The following MTARC1 variants were observed in gnomAD, a reference collection of about 807,000 sequenced individuals.
MTARC1 encodes the protein mitochondrial amidoxime-reducing component 1.
MTARC1 carries 24 observed loss-of-function variants against 33.6 expected under a neutral mutation model. That is an observed-to-expected ratio of 0.72 (90% CI 0.52 to 1.01). The LOEUF (loss-of-function observed/expected upper bound fraction) is 1.01. MTARC1 is among the 50% of genes least tolerant of loss of function. MTARC1 has a pLI of 0.00. For synonymous variants in MTARC1, 187 were observed against 189.5 expected (o/e 0.99, Z 0.11); for missense variants, 417 against 445.7 (o/e 0.94, Z 0.58).
At chr1:220,787,399 A>G (rs1368919480) in intron 1 of MTARC1, among the ~76,000 whole-genome samples, 180 bp downstream of exon 1, 1 of 152,184 alleles carries the variant, frequency 6.6e-6, no homozygotes, top group Non-Finnish European at 1.5e-5. Flanking sequence ...CCCCAGCATC[A>G]GACCCCAGGG....
chr1:220,802,515 A>G (rs570249308), intron 4 of MTARC1, among the ~76,000 whole-genome samples: 19 of 152,246 alleles, frequency 1.2e-4, no homozygotes, highest in Non-Finnish European at 2.8e-4. Context: ...TATTTTTAGT[A>G]TAGACAGGGT....
chr1:220,788,302 G>A (rs551803779), intron 1 of MTARC1, among the ~76,000 whole-genome samples: 6 of 152,260 alleles, frequency 3.9e-5, no homozygotes, highest in African/African-American at 1.4e-4. Context: ...GGCCAGCCTC[G>A]GGTCTTATTG....
chr1:220,810,143 G>A lies in MTARC1; in HGVS notation c.888-3149G>A, dbSNP rs144005846. 2.6e-5 allele frequency among the ~76,000 whole-genome samples: 4 copies of A among 152,280 alleles called. No individual in the cohort carries two copies. The East Asian group carries it at 7.7e-4, about 29-fold the overall frequency. ...TTCATTTAAGGAGAAAGTGCACTAA[G>A]GAAGATTTTAAATGAGTTTTAATTT... On this transcript the variant is annotated intron_variant, in intron 6 of 6. Coordinates refer to ENST00000366910, the MANE Select transcript of MTARC1 (RefSeq NM_022746.4).
rs1255106650 is a variant in MTARC1 at position 220,797,975 on chromosome 1, G to A, written c.714G>A (p.Arg238=). The part of the protein sequence containing the change: ...LEKKVKATNF[R]PNIVISGCDV... The stretch of plus-strand genomic sequence containing the variant: ...AGAAAGTTAAAGCAACCAACTTCAG[G>A]CCCAATATTGTAATTTCAGGATGCG... Residue 238 remains arginine (R), a synonymous_variant, in exon 4 of 7, where the codon AGG becomes AGA. Transcript: ENST00000366910. 1.2e-6 allele frequency: 2 copies of A among 1,614,176 alleles called. No homozygotes were observed. The highest frequency in any genetic ancestry group is 1.7e-5 in the Admixed American group (1 of 60,024).
intron 4 of MTARC1, among the ~76,000 whole-genome samples, chr1:220,801,787 G>C (rs1672815050): frequency 6.6e-6 from 1 of 152,168 alleles, no homozygotes; most frequent in Non-Finnish European, 1.5e-5. Context: ...GCAGCTGGGA[G>C]AGCAGGCTAG....
chr1:220,809,169 C>G (rs1170058191), intron 6 of MTARC1, among the ~76,000 whole-genome samples: 1 of 152,186 alleles, frequency 6.6e-6, no homozygotes, highest in East Asian at 1.9e-4. Context: ...ATTGGCAAGT[C>G]GCTTAGGCTC....
intron 4 of MTARC1, among the ~76,000 whole-genome samples, chr1:220,800,104 A>C (rs1205999109): frequency 6.6e-6 from 1 of 152,134 alleles, no homozygotes; most frequent in Admixed American, 6.5e-5. Context: ...TGTGACAGTA[A>C]GATTCGGATG....
intron 4 of MTARC1, among the ~76,000 whole-genome samples, chr1:220,800,911 T>G (rs1014233228): frequency 6.6e-6 from 1 of 151,634 alleles, no homozygotes; most frequent in Admixed American, 6.6e-5. Flanking sequence ...CCCACTCCCC[T>G]CTCTGCCCGG....
intron 4 of MTARC1, among the ~76,000 whole-genome samples, chr1:220,803,771 T>G (rs986135095): frequency 6.6e-6 from 1 of 152,182 alleles, no homozygotes; most frequent in African/African-American, 2.4e-5. Flanking sequence ...GTGGAACCCT[T>G]ATTTCTCTCC....
intron 2 of MTARC1, 114 bp from the exon 3 acceptor site, chr1:220,796,529 A>G (rs988346104): frequency 5.6e-6 from 7 of 1,247,864 alleles, no homozygotes; most frequent in Non-Finnish European, 7.5e-6. Flanking sequence ...TCTGATAATT[A>G]AGAAATGACA....
Position 220,818,079 on chromosome 1 carries a change from T to C in MTARC1, c.*4661T>C, listed in dbSNP as rs1175912388. 1 of 152,216 alleles carries C rather than the reference T, an allele frequency of 6.6e-6. No individual in the cohort carries two copies. The highest frequency in any genetic ancestry group is 1.5e-5 in the Non-Finnish European group (1 of 68,044). 9.4% of individuals were successfully genotyped at this position (152,216 alleles called of 1,614,324 possible). A position where few individuals can be genotyped will look rare whatever the true frequency, so the allele number is the denominator to read the frequency against. ...AATGGATGAATGAGTTATGATGATA[T>C]CTAAAGTTACCCAATTTCAAGCAAG... On this transcript the variant is annotated 3_prime_UTR_variant, in exon 7 of 7. Transcript: ENST00000366910.
chr1:220,810,169 A>G (rs1181466237), intron 6 of MTARC1, among the ~76,000 whole-genome samples: 2 of 152,254 alleles, frequency 1.3e-5, no homozygotes, highest in Non-Finnish European at 1.5e-5. Flanking sequence ...GTTTTAATTT[A>G]TTAATACCAA....
At chr1:220,807,076 G>A (rs1441504765) in intron 6 of MTARC1, among the ~76,000 whole-genome samples, 6 of 152,006 alleles carry the variant, frequency 3.9e-5, no homozygotes, top group South Asian at 2.1e-4. Flanking sequence ...CAACTTTTCT[G>A]TAAAAAGCTA....
Position 220,791,486 on chromosome 1 carries a change from G to A in MTARC1, c.276-5G>A, listed in dbSNP as rs377285449. ...CACACATATCCTGTGTTTTGAAAAC[G>A]GCAGGTTTTGGCTTGTGATCAACCA... On this transcript the variant is annotated splice_polypyrimidine_tract_variant and splice_region_variant and intron_variant, in intron 1 of 6. Coordinates refer to ENST00000366910, the MANE Select transcript of MTARC1 (RefSeq NM_022746.4). 11 of 1,613,314 alleles carry A rather than the reference G, an allele frequency of 6.8e-6. No individual in the cohort carries two copies. Among genetic ancestry groups the A allele is most frequent in the Non-Finnish European group, 8.5e-6 (10 of 1,179,688 alleles).
chr1:220,805,021 T>C (rs767099339), intron 4 of MTARC1, 31 bp from the exon 5 acceptor site: 40 of 1,610,484 alleles, frequency 2.5e-5, no homozygotes, highest in Non-Finnish European at 3.1e-5. Context: ...GGCCCAGAGA[T>C]GCTCATGGGA....
chr1:220,808,285 G>A (rs1467119641), intron 6 of MTARC1, among the ~76,000 whole-genome samples: 1 of 152,206 alleles, frequency 6.6e-6, no homozygotes, highest in Admixed American at 6.5e-5. Flanking sequence ...GTGAGGGTGG[G>A]AAGGCGGGGG....
rs956899080 is a variant in MTARC1, at chr1:220,796,540, G to A, written c.450-103G>A. The A allele has an allele frequency of 1.8e-5, 23 of 1,305,786 alleles. No homozygotes were observed. The African/African-American group carries it at 3.4e-4, about 19-fold the overall frequency. 80.9% of individuals were successfully genotyped at this position (1,305,786 alleles called of 1,614,324 possible). A position where few individuals can be genotyped will look rare whatever the true frequency, so the allele number is the denominator to read the frequency against. Reference sequence around the variant, plus strand: ...ATCTTCTGATAATTAAGAAATGACAGTAATGTTACAGCTAGGAGCAGCTTT... The same window carrying A: ...ATCTTCTGATAATTAAGAAATGACAATAATGTTACAGCTAGGAGCAGCTTT... On this transcript the variant is annotated intron_variant, in intron 2 of 6. Transcript: ENST00000366910.
intron 3 of MTARC1, 49 bp downstream of exon 3, chr1:220,796,854 C>G (rs768788738): frequency 2.4e-5 from 37 of 1,530,172 alleles, no homozygotes; most frequent in Non-Finnish European, 2.9e-5. Context: ...ACCCCCAGAT[C>G]AGGGGGCTCA....
chr1:220,798,860 T>G (rs757944347), intron 4 of MTARC1: 22 of 985,444 alleles, frequency 2.2e-5, no homozygotes, highest in Non-Finnish European at 2.7e-5. Flanking sequence ...CAATTGAGTT[T>G]TAACCTTTTA....
Sources: allele counts gnomAD v4.1 joint callset (sites outside exome capture counted in the v4.1 genomes callset), GRCh38; gene constraint gnomAD v4.1.1; transcripts MANE v1.5; gene names NCBI Gene and HGNC (gene_info 2026-07-23, HGNC 2026-07-21).